NRG2: variants seen among roughly 807,000 people sequenced by gnomAD.
NRG2 encodes the protein neuregulin 2.
NRG2 carries 27 observed loss-of-function variants against 73.9 expected under a neutral mutation model. The observed-to-expected ratio is 0.37, with a 90% CI of 0.27 to 0.50. The LOEUF (loss-of-function observed/expected upper bound fraction) is 0.50, where lower values mean the gene tolerates loss of function less well. Ranked by LOEUF, NRG2 falls within the 20% of genes least tolerant of loss-of-function variation. NRG2 has a pLI of 0.96. For synonymous variants in NRG2, 532 were observed against 541.0 expected (o/e 0.98, Z 0.23); for missense variants, 1,126 against 1,210.1 (o/e 0.93, Z 1.03).
chr5:139,897,635 T>G (rs1432789608), intron 1 of NRG2, among the ~76,000 whole-genome samples: 2 of 152,156 alleles, frequency 1.3e-5, no homozygotes, highest in Non-Finnish European at 2.9e-5. Flanking sequence ...GTAAATGAAT[T>G]AATGCTGTAA....
intron 1 of NRG2, among the ~76,000 whole-genome samples, chr5:139,961,947 G>GC (rs1439541166): frequency 6.6e-6 from 1 of 152,096 alleles, no homozygotes; most frequent in Non-Finnish European, 1.5e-5. Flanking sequence ...CCATGCAAAT[G>GC]CCCCCCAGCC....
chr5:139,899,254 A>G (rs1390466447), intron 1 of NRG2, among the ~76,000 whole-genome samples: 1 of 152,122 alleles, frequency 6.6e-6, no homozygotes, highest in Non-Finnish European at 1.5e-5. Flanking sequence ...ATGAGCATGC[A>G]TCATAATAAA....
chr5:139,925,750 G>A (rs977531843), intron 1 of NRG2, among the ~76,000 whole-genome samples: 2 of 152,216 alleles, frequency 1.3e-5, no homozygotes, highest in African/African-American at 4.8e-5. Context: ...GTAGCCTGCA[G>A]CGCAGGCTCC....
Position 139,904,307 on chromosome 5 carries a change from C to T in NRG2, c.701-16796G>A. The T allele has an allele frequency of 6.3e-7, 1 of 1,590,660 alleles. No homozygotes were observed. The highest frequency in any genetic ancestry group is 8.5e-7 in the Non-Finnish European group (1 of 1,176,792). On this transcript the variant is annotated intron_variant, in intron 1 of 9. Coordinates refer to ENST00000361474, the MANE Select transcript of NRG2 (RefSeq NM_004883.3). The surrounding 1 kb of genome is among the most constrained non-coding windows in gnomAD (Gnocchi z 6.0). ...TTCTGGGCGCGCGGAGGTGCCCTAC[C>T]TTTCTCCCCGGGATCGGGCTCCCTC...
chr5:139,864,121 G>T (rs1220150166), intron 5 of NRG2, among the ~76,000 whole-genome samples: 1 of 152,200 alleles, frequency 6.6e-6, no homozygotes, highest in African/African-American at 2.4e-5. Context: ...CCTCCCTGGA[G>T]AAGAGGAGGT....
At chr5:140,006,666 G>T (rs1469710857) in intron 1 of NRG2, among the ~76,000 whole-genome samples, 2 of 152,152 alleles carry the variant, frequency 1.3e-5, no homozygotes, top group Non-Finnish European at 2.9e-5. Context: ...TCCTGATTTG[G>T]TGTGTGAGTA....
intron 1 of NRG2, among the ~76,000 whole-genome samples, chr5:139,926,089 G>A (rs1018658185): frequency 1.3e-5 from 2 of 152,208 alleles, no homozygotes; most frequent in Non-Finnish European, 2.9e-5. Context: ...ACAGGGTGTG[G>A]AGAGAGCCTA....
At chr5:140,005,088 GAT>G (rs1758784039) in intron 1 of NRG2, among the ~76,000 whole-genome samples, 1 of 152,170 alleles carries the variant, frequency 6.6e-6, no homozygotes, top group Admixed American at 6.5e-5. Flanking sequence ...CTTCTCAGGG[GAT>G]GTAGAATTGG....
chr5:140,021,463 T>C (rs1452078342), intron 1 of NRG2, among the ~76,000 whole-genome samples: 1 of 152,184 alleles, frequency 6.6e-6, no homozygotes, highest in East Asian at 1.9e-4. Flanking sequence ...CTAAGGTGGG[T>C]ATGGAACACT....
At chr5:139,885,675 A>G (rs1018967713) in intron 2 of NRG2, among the ~76,000 whole-genome samples, 7 of 151,736 alleles carry the variant, frequency 4.6e-5, no homozygotes, top group African/African-American at 1.5e-4. Context: ...TTACCAGAGA[A>G]AGGAGTGAGT....
chr5:139,848,061 G>C lies in NRG2; in HGVS notation c.2409C>G (p.Asp803Glu). The C allele has an allele frequency of 1.3e-6, 2 of 1,501,718 alleles. No homozygotes were observed. Among genetic ancestry groups the C allele is most frequent in the Non-Finnish European group, 1.8e-6 (2 of 1,132,068 alleles). The allele number at this position is 1,501,718 out of a possible 1,614,324, so 93.0% of individuals were successfully genotyped here. A position where few individuals can be genotyped will look rare whatever the true frequency, so the allele number is the denominator to read the frequency against. ...GTGGCGGCGAGTCCGAGCGCAGCGC[G>C]TCGTGCGCCCCACGCAGGCCCAGGA... ...TPFLGLRGAH[D>E]ALRSDSPPLC... The change falls in exon 10 of 10, where the codon GAC (aspartate) becomes GAG (glutamate). Residue 803 changes from aspartate (D) to glutamate (E), a missense_variant. Asp to Glu is a conservative substitution (Grantham distance 45). This residue lies in a region of NRG2 where 402 missense variants were observed against 357.8 expected (regional missense o/e 1.12). Transcript: ENST00000361474.
In NRG2 at chr5:139,847,963, C is replaced by T. The variant is rs1761099405; in HGVS notation, c.2507G>A (p.Ser836Asn). The change falls in exon 10 of 10, where the codon AGC (serine) becomes AAC (asparagine). Residue 836 changes from serine to asparagine, a missense_variant. By Grantham distance (46) the Ser-to-Asn change is conservative. This residue lies in a region of NRG2 where 402 missense variants were observed against 357.8 expected (regional missense o/e 1.12). Transcript: ENST00000361474. ...SHSTRASSRHSRGPPPRAKQD... is the reference protein window; with the variant it reads ...SHSTRASSRHNRGPPPRAKQD... ...CTTGGCCCGCGGGGGCGGCCCGCGG[C>T]TGTGTCTGCTGCTGGCCCGCGTGCT... 6.6e-6 allele frequency: 10 copies of T among 1,510,670 alleles called. No individual in the cohort carries two copies. The highest frequency in any genetic ancestry group is 8.8e-6 in the Non-Finnish European group (10 of 1,134,406). The allele number at this position is 1,510,670 out of a possible 1,614,324, so 93.6% of individuals were successfully genotyped here.
intron 5 of NRG2, among the ~76,000 whole-genome samples, chr5:139,857,382 G>T (rs891755189): frequency 2.0e-5 from 3 of 152,104 alleles, no homozygotes; most frequent in Non-Finnish European, 4.4e-5. Context: ...CGTGCCAGAT[G>T]GCCCTCCATC....
chr5:140,039,355 T>C (rs1327125881), intron 1 of NRG2, among the ~76,000 whole-genome samples: 1 of 152,202 alleles, frequency 6.6e-6, no homozygotes, highest in African/African-American at 2.4e-5. Context: ...CTCTTTTTCC[T>C]CGCCTTTCCA....
chr5:139,909,727 C>T (rs1339977228), intron 1 of NRG2, among the ~76,000 whole-genome samples: 1 of 152,208 alleles, frequency 6.6e-6, no homozygotes, highest in Non-Finnish European at 1.5e-5. Context: ...GAGAAATTCC[C>T]AGTTATCCAG....
intron 2 of NRG2, among the ~76,000 whole-genome samples, chr5:139,886,047 A>G (rs1763842929): frequency 6.6e-6 from 1 of 152,110 alleles, no homozygotes; most frequent in African/African-American, 2.4e-5. Context: ...CCAATGCTGT[A>G]GACAAGGGAC....
At chr5:139,916,433 AAG>A (rs1188229191) in intron 1 of NRG2, among the ~76,000 whole-genome samples, 1 of 152,226 alleles carries the variant, frequency 6.6e-6, no homozygotes, top group Non-Finnish European at 1.5e-5. Flanking sequence ...GACCCATTTA[AAG>A]TATATAATTC....
intron 3 of NRG2, among the ~76,000 whole-genome samples, chr5:139,879,859 G>C (rs1270117878): frequency 1.3e-5 from 2 of 152,156 alleles, no homozygotes; most frequent in Non-Finnish European, 2.9e-5. Context: ...GGAGCACAAG[G>C]GGCTGGGAGG....
chr5:139,964,156 C>T (rs1246487261), intron 1 of NRG2, among the ~76,000 whole-genome samples: 1 of 152,100 alleles, frequency 6.6e-6, no homozygotes, highest in African/African-American at 2.4e-5. Flanking sequence ...TCCTTTAGAG[C>T]CAAGGCTGGG....
Sources: gnomAD v4.1 joint callset for allele counts (sites outside exome capture counted in the v4.1 genomes callset) on GRCh38, gnomAD v4.1.1 for gene constraint, gnomAD v4.1.1 regional missense constraint, Gnocchi (gnomAD v3.1) non-coding constraint, MANE v1.5 for transcripts, NCBI Gene and HGNC (gene_info 2026-07-23, HGNC 2026-07-21) for gene names.